GPC6: variants seen among roughly 807,000 people sequenced by gnomAD.
The protein encoded by GPC6 is glypican-6.
A neutral mutation model predicts 55.2 loss-of-function variants in GPC6; 14 were observed. The observed-to-expected ratio is 0.25, with a 90% CI of 0.17 to 0.40. GPC6 has a LOEUF of 0.40. Ranked by LOEUF, GPC6 falls within the 10% of genes least tolerant of loss-of-function variation. GPC6 has a pLI of 1.00. For missense variants in GPC6, 641 were observed against 708.5 expected, an observed-to-expected ratio of 0.90 and a Z score of 1.08; for synonymous variants, 278 against 259.6, an observed-to-expected ratio of 1.07 and a Z score of -0.68.
chr13:93,237,745 T>C (rs1876287981), intron 1 of GPC6, among the ~76,000 whole-genome samples: 1 of 152,052 alleles, frequency 6.6e-6, no homozygotes, highest in South Asian at 2.1e-4. Context: ...TTTTTTCATA[T>C]GGTGAGAGAT....
chr13:94,267,518 C>T (rs932675009), intron 4 of GPC6, among the ~76,000 whole-genome samples: 3 of 152,188 alleles, frequency 2.0e-5, no homozygotes, highest in African/African-American at 7.2e-5. Flanking sequence ...TAAAGAACCA[C>T]TAGCCTTTCT....
chr13:93,308,916 A>T (rs1346355814), intron 1 of GPC6, among the ~76,000 whole-genome samples: 1 of 152,228 alleles, frequency 6.6e-6, no homozygotes, highest in Admixed American at 6.5e-5. Flanking sequence ...TCATAATTGA[A>T]TAATTTATCC....
chr13:94,290,292 G>C (rs1594136867), intron 5 of GPC6, among the ~76,000 whole-genome samples: 1 of 151,840 alleles, frequency 6.6e-6, no homozygotes. Flanking sequence ...GTGGTGGTAT[G>C]AGCCTGTAGT....
intron 1 of GPC6, among the ~76,000 whole-genome samples, chr13:93,302,915 A>C (rs1026026657): frequency 6.6e-6 from 1 of 152,360 alleles, no homozygotes; most frequent in Admixed American, 6.5e-5. Flanking sequence ...ACTTCTACTT[A>C]GGAGATTTGC....
At position 94,077,135 on chromosome 13, in the gene GPC6, T is replaced by G. The variant is rs948032009; in HGVS notation, c.877+49241T>G. 2.6e-5 allele frequency among the ~76,000 whole-genome samples: 4 copies of G among 151,780 alleles called. No homozygotes were observed. In the East Asian group the frequency reaches 5.8e-4, roughly 22 times the overall value. ...CAATGAACACGGGATATTTTTCCAT[T>G]TATTTGGGTCTTTAATTTCTTTCAT... On this transcript the variant is annotated intron_variant, in intron 4 of 8. Coordinates refer to ENST00000377047, the MANE Select transcript of GPC6 (RefSeq NM_005708.5).
At chr13:93,502,156 A>G in intron 1 of GPC6, among the ~76,000 whole-genome samples, 1 of 152,092 alleles carries the variant, frequency 6.6e-6, no homozygotes, top group East Asian at 1.9e-4. Context: ...TCAAGGTAAC[A>G]ATGTAGATCC....
intron 1 of GPC6, among the ~76,000 whole-genome samples, chr13:93,410,927 TG>T (rs1182217740): frequency 6.6e-6 from 1 of 152,144 alleles, no homozygotes; most frequent in Non-Finnish European, 1.5e-5. Context: ...AATTCAGCTA[TG>T]GAAATTTTAT....
intron 1 of GPC6, among the ~76,000 whole-genome samples, chr13:93,237,892 T>C (rs1261630261): frequency 1.3e-5 from 2 of 152,142 alleles, no homozygotes; most frequent in South Asian, 4.1e-4. Flanking sequence ...TAGGCTTTAT[T>C]TCTGGGTTCT....
intron 4 of GPC6, among the ~76,000 whole-genome samples, chr13:94,228,198 T>C (rs543459352): frequency 6.6e-6 from 1 of 152,236 alleles, no homozygotes; most frequent in East Asian, 1.9e-4. Context: ...CACACACTTA[T>C]GCAGAGTAAT....
At chr13:93,710,874 G>C (rs963688797) in intron 2 of GPC6, among the ~76,000 whole-genome samples, 1 of 151,520 alleles carries the variant, frequency 6.6e-6, no homozygotes, top group Non-Finnish European at 1.5e-5. Flanking sequence ...CTTGAAGGTA[G>C]GCAAATTATA....
chr13:93,848,334 T>C (rs978736696), intron 3 of GPC6, among the ~76,000 whole-genome samples: 10 of 152,142 alleles, frequency 6.6e-5, no homozygotes, highest in African/African-American at 2.2e-4. Flanking sequence ...AATCATTTTG[T>C]AACTTTCGTT....
chr13:93,864,968 A>G (rs1888916828), intron 3 of GPC6, among the ~76,000 whole-genome samples: 1 of 151,758 alleles, frequency 6.6e-6, no homozygotes, highest in Non-Finnish European at 1.5e-5. Context: ...ATAAATTTCA[A>G]AATACACTCA....
At chr13:93,575,642 T>C (rs961327132) in intron 2 of GPC6, among the ~76,000 whole-genome samples, 4 of 152,222 alleles carry the variant, frequency 2.6e-5, no homozygotes, top group Admixed American at 2.0e-4. Flanking sequence ...TGCCTTCTTC[T>C]CAGTGTCTTA....
intron 2 of GPC6, among the ~76,000 whole-genome samples, chr13:93,789,664 A>C (rs1200138382): frequency 7.8e-6 from 1 of 128,090 alleles, no homozygotes; most frequent in Non-Finnish European, 1.6e-5. Context: ...TTAAATGTTG[A>C]TGTAGGCAGA....
intron 4 of GPC6, among the ~76,000 whole-genome samples, chr13:94,047,150 T>A (rs1282525335): frequency 6.6e-6 from 1 of 152,128 alleles, no homozygotes; most frequent in Non-Finnish European, 1.5e-5. Context: ...TGAATATTTT[T>A]AAATGTATTG....
In GPC6 at chr13:93,668,460, A is replaced by G. The variant is rs186728084; in HGVS notation, c.319+123039A>G. ...GTCCCTGTCCCAATCTCAGGAACCT[A>G]TGAATACGACCTTATTTGCAAAACA... is the stretch of plus-strand genomic sequence containing the variant. On this transcript the variant is annotated intron_variant, in intron 2 of 8. Coordinates refer to ENST00000377047, the MANE Select transcript of GPC6 (RefSeq NM_005708.5). Among the ~76,000 whole-genome samples, 156 of 152,332 alleles carry G rather than the reference A, an allele frequency of 1.0e-3. 1 individual carries two copies. The highest frequency in any genetic ancestry group is 3.2e-4 in the Non-Finnish European group (22 of 68,026).
chr13:94,267,335 A>T (rs1391912406), intron 4 of GPC6, among the ~76,000 whole-genome samples: 1 of 152,216 alleles, frequency 6.6e-6, no homozygotes, highest in African/African-American at 2.4e-5. Flanking sequence ...GTTAGTAAAT[A>T]CGTACAGTCT....
At chr13:93,990,300 G>T (rs1270808699) in intron 3 of GPC6, among the ~76,000 whole-genome samples, 1 of 151,430 alleles carries the variant, frequency 6.6e-6, no homozygotes, top group Non-Finnish European at 1.5e-5. Context: ...TGCCCTTCAT[G>T]TGCAGTGAAA....
intron 4 of GPC6, among the ~76,000 whole-genome samples, chr13:94,177,499 A>G (rs555524939): frequency 6.6e-6 from 1 of 152,180 alleles, no homozygotes; most frequent in African/African-American, 2.4e-5. Flanking sequence ...TTAGGAAAAA[A>G]GTAAAGAGAG....
Sources: allele counts gnomAD v4.1 joint callset (sites outside exome capture counted in the v4.1 genomes callset), GRCh38; gene constraint gnomAD v4.1.1; transcripts MANE v1.5; gene names NCBI Gene and HGNC (gene_info 2026-07-23, HGNC 2026-07-21).